The following CGN variants were observed in gnomAD, a reference collection of about 807,000 sequenced individuals.
CGN encodes the protein cingulin.
In CGN, 121 loss-of-function variants were observed where a neutral mutation model predicts 157.1. That is an observed-to-expected ratio of 0.77 (90% CI 0.66 to 0.90). CGN has a LOEUF of 0.90. CGN is among the 40% of genes least tolerant of loss of function. The probability of loss-of-function intolerance (pLI) is 0.00; values close to 1 mark genes in which losing one functional copy is unlikely to be tolerated. For synonymous variants in CGN, 535 were observed against 607.5 expected (o/e 0.88, Z 1.76); for missense variants, 1,424 against 1,520.9 (o/e 0.94, Z 1.06).
chr1:151,528,271 G>T (rs920553907), intron 10 of CGN, among the ~76,000 whole-genome samples: 1 of 151,762 alleles, frequency 6.6e-6, no homozygotes, highest in Non-Finnish European at 1.5e-5. Flanking sequence ...ACAGGCGTGA[G>T]CCACCGCACC....
At chr1:151,523,589 G>A (rs779739121) in intron 6 of CGN, 28 bp downstream of exon 6, 122 of 1,574,346 alleles carry the variant, frequency 7.7e-5, no homozygotes, top group Non-Finnish European at 9.6e-5. Flanking sequence ...CGCACCTCGG[G>A]CTGCTTGGGG....
At chr1:151,526,181 CTT>C (rs10570307) in intron 9 of CGN, among the ~76,000 whole-genome samples, 45,928 of 138,954 alleles carry the variant, frequency 0.33, 9,646 homozygotes, top group East Asian at 0.81. Context: ...CCCCTTTCTC[CTT>C]TTTTTTTTTT....
rs1228514013 is a variant in CGN, at chr1:151,518,526, C to T, written c.7C>T (p.Gln3Ter). 6.2e-7 allele frequency: 1 copy of T among 1,602,506 alleles called. No homozygotes were observed. The highest frequency in any genetic ancestry group is 1.7e-5 in the Admixed American group (1 of 59,398). Residue 3 changes from glutamine to a stop codon, truncating the protein, a stop_gained, in exon 2 of 21, where the codon CAG (glutamine) becomes TAG (stop). Coordinates refer to ENST00000271636, the MANE Select transcript of CGN (RefSeq NM_020770.3). LOFTEE classifies it high-confidence loss of function. ...TCTAGGACTCCTCCTATTTATGGAG[C>T]AGGCACCCAACATGGCTGAGCCCCG... ME[Q>*]APNMAEPRGP...
chr1:151,534,647 T>TG (rs1664915197), intron 15 of CGN: 1 of 250,756 alleles, frequency 4.0e-6, no homozygotes, highest in Non-Finnish European at 7.7e-6. Flanking sequence ...CTGGACAGTC[T>TG]GGTCCCATGT....
Position 151,525,713 on chromosome 1 carries a change from G to A in CGN, c.1686G>A (p.Glu562=), listed in dbSNP as rs754899619. The A allele has an allele frequency of 6.2e-7, 1 of 1,612,420 alleles. No homozygotes were observed. The highest frequency in any genetic ancestry group is 1.3e-5 in the African/African-American group (1 of 74,696). Residue 562 remains glutamate (E), a synonymous_variant, in exon 9 of 21, where the codon GAG becomes GAA. Transcript: ENST00000271636. The part of the protein sequence containing the change: ...ALVRGLQREL[E]ETSEETGHWQ... ...TGCGAGGGCTGCAGAGGGAGCTGGA[G>A]GAGACTTCAGAGGAGACAGGGCATT...
In CGN at chr1:151,530,501, CA is replaced by C. The variant is rs1557992019; in HGVS notation, c.2327del (p.Gln776ArgfsTer6). The C allele has an allele frequency of 6.3e-7, 1 of 1,585,604 alleles. No individual in the cohort carries two copies. The highest frequency in any genetic ancestry group is 2.2e-5 in the East Asian group (1 of 44,766). ...CCCTACCTCCCAGGCAGAGAAACAG[CA>C]GCTGGAGGAGGCCCTGAATGCGTCC... ...KLQRLEAEKQ[Q>X]LEEALNASQE... On this transcript the variant is annotated frameshift_variant, in exon 13 of 21. Coordinates refer to ENST00000271636, the MANE Select transcript of CGN (RefSeq NM_020770.3). LOFTEE classifies it high-confidence loss of function.
intron 9 of CGN, 92 bp downstream of exon 9, chr1:151,525,882 TA>T (rs1481831811): frequency 1.0e-6 from 1 of 952,930 alleles, no homozygotes; most frequent in Non-Finnish European, 1.4e-6. Flanking sequence ...AATTTTAATT[TA>T]TTTTTTGGGA....
chr1:151,515,016 C>CTT (rs879710325), intron 1 of CGN, among the ~76,000 whole-genome samples: 14 of 143,224 alleles, frequency 9.8e-5, no homozygotes, highest in Non-Finnish European at 7.7e-5. Flanking sequence ...GTACAAACAT[C>CTT]TTTTTTTTTT....
Position 151,523,496 on chromosome 1 carries a change from AGAGTGCAGCC to A in CGN, c.1206_1215del (p.Glu402AspfsTer23). 6.2e-7 allele frequency: 1 copy of A among 1,613,600 alleles called. No individual in the cohort carries two copies. The highest frequency in any genetic ancestry group is 8.5e-7 in the Non-Finnish European group (1 of 1,179,766). ...AGCGGCAGCTGGAGGAGAAAACAGA[AGAGTGCAGCC>A]GACTGCAGGAGCTGCTGGAGAGGAG... On this transcript the variant is annotated frameshift_variant, in exon 6 of 21. Transcript: ENST00000271636. LOFTEE classifies it high-confidence loss of function.
intron 14 of CGN, 37 bp downstream of exon 14, chr1:151,532,609 C>A: frequency 2.6e-6 from 3 of 1,156,334 alleles, no homozygotes; most frequent in Non-Finnish European, 3.4e-6. Flanking sequence ...AAGGTCCTTG[C>A]CTCTTTTTTT....
In CGN at chr1:151,524,638, T is replaced by C. The variant is rs1664626885; in HGVS notation, c.1402-36T>C. ...ATTGATAAACAGATGGATTCTAATA[T>C]GGTCACCCCTGTACTTCTTCCTTTA... is the stretch of plus-strand genomic sequence containing the variant. On this transcript the variant is annotated intron_variant, in intron 7 of 20. Coordinates refer to ENST00000271636, the MANE Select transcript of CGN (RefSeq NM_020770.3). This position sits in a 1 kb window ranked among gnomAD's most constrained non-coding sequence, Gnocchi z 4.4. 1.3e-6 allele frequency: 2 copies of C among 1,526,102 alleles called. No individual in the cohort carries two copies. Among genetic ancestry groups the C allele is most frequent in the African/African-American group, 1.4e-5 (1 of 71,874 alleles). 94.5% of individuals were successfully genotyped at this position (1,526,102 alleles called of 1,614,324 possible).
Position 151,524,273 on chromosome 1 carries a change from A to G in CGN, c.1316A>G (p.His439Arg), listed in dbSNP as rs1664616944. 3 of 1,614,212 alleles carry G rather than the reference A, an allele frequency of 1.9e-6. No individual in the cohort carries two copies. The East Asian group carries it at 6.7e-5, about 36-fold the overall frequency. ...TTGGACCAGGGTGAAGATTTACGAC[A>G]TGGGCTGGAGACCCAGGTGATGGAG... Reference protein sequence around the residue: ...RLLDQGEDLRHGLETQVMELQ... With the variant: ...RLLDQGEDLRRGLETQVMELQ... Residue 439 changes from histidine to arginine, a missense_variant, in exon 7 of 21, where the codon CAT (histidine) becomes CGT (arginine). This residue lies in a region of CGN where 1,187 missense variants were observed against 1,217.6 expected (regional missense o/e 0.97). Transcript: ENST00000271636. This position sits in a 1 kb window ranked among gnomAD's most constrained non-coding sequence, Gnocchi z 4.4.
chr1:151,532,006 C>T (rs546137150), intron 13 of CGN, among the ~76,000 whole-genome samples: 6 of 151,792 alleles, frequency 4.0e-5, no homozygotes, highest in South Asian at 4.2e-4. Flanking sequence ...AGTGGTACGC[C>T]GTATAATCAT....
At position 151,530,060 on chromosome 1, in the gene CGN, T is replaced by G; in HGVS notation, c.2258T>G (p.Val753Gly). The G allele has an allele frequency of 6.2e-7, 1 of 1,613,984 alleles. No individual in the cohort carries two copies. The highest frequency in any genetic ancestry group is 1.1e-5 in the South Asian group (1 of 91,074). Residue 753 changes from valine to glycine, a missense_variant, in exon 12 of 21, where the codon GTG (valine) becomes GGG (glycine). Val to Gly is a moderately radical substitution (Grantham distance 109). Coordinates refer to ENST00000271636, the MANE Select transcript of CGN (RefSeq NM_020770.3). ...EQQLKETRGL[V>G]DGGEAVEARL... ...CAGCTGAAGGAGACTCGAGGTCTGG[T>G]GGATGGTGGGGAAGCGGTGGAGGCA... is the stretch of plus-strand genomic sequence containing the variant.
At chr1:151,529,201 T>G in intron 10 of CGN, 149 bp from the exon 11 acceptor site, 2 of 637,884 alleles carry the variant, frequency 3.1e-6, no homozygotes, top group South Asian at 4.1e-5. Flanking sequence ...AAATCTGTGT[T>G]TAACTTTTTG....
chr1:151,536,669 G>A, intron 19 of CGN, 61 bp from the exon 20 acceptor site: 1 of 1,541,670 alleles, frequency 6.5e-7, no homozygotes, highest in Non-Finnish European at 8.9e-7. Flanking sequence ...TGTTATGGGG[G>A]AGGGTCCCAG....
Position 151,519,080 on chromosome 1 carries a change from T to C in CGN, c.561T>C (p.Ser187=). 6.2e-7 allele frequency: 1 copy of C among 1,614,044 alleles called. No homozygotes were observed. Among genetic ancestry groups the C allele is most frequent in the Non-Finnish European group, 8.5e-7 (1 of 1,180,016 alleles). The stretch of plus-strand genomic sequence containing the variant: ...ACTCACTCATCAACAAGTTTGACAG[T>C]CAACTTGGAGGCCAGGCCCGGGGTC... The part of the protein sequence containing the change: ...SVDSLINKFD[S]QLGGQARGRT... The change falls in exon 2 of 21, where the codon AGT becomes AGC. Residue 187 remains serine (S), a synonymous_variant. Transcript: ENST00000271636.
intron 1 of CGN, among the ~76,000 whole-genome samples, chr1:151,512,486 A>G (rs1664322864): frequency 6.6e-6 from 1 of 152,250 alleles, no homozygotes; most frequent in Admixed American, 6.5e-5. Context: ...TCAGAATGGC[A>G]GCAGGCACTA....
At chr1:151,529,621 G>A in intron 11 of CGN, 62 bp downstream of exon 11, 2 of 1,448,392 alleles carry the variant, frequency 1.4e-6, no homozygotes, top group Non-Finnish European at 1.9e-6. Context: ...GGGCTGAGGA[G>A]CCAGAGGGTG....
Sources: allele counts gnomAD v4.1 joint callset (sites outside exome capture counted in the v4.1 genomes callset), GRCh38; gene constraint gnomAD v4.1.1; regional missense constraint gnomAD v4.1.1; non-coding constraint Gnocchi (gnomAD v3.1); transcripts MANE v1.5; gene names NCBI Gene and HGNC (gene_info 2026-07-23, HGNC 2026-07-21).